Variants in DNAH8 observed in about 807,000 individuals in gnomAD.
DNAH8 encodes the protein axonemal beta dynein heavy chain 8.
A neutral mutation model predicts 562.1 loss-of-function variants in DNAH8; 382 were observed. The ratio of observed to expected loss-of-function variants is 0.68; its 90% confidence interval spans 0.63 to 0.74. DNAH8 has a LOEUF of 0.74. DNAH8 is among the 30% of genes least tolerant of loss of function. The probability of loss-of-function intolerance (pLI) is 0.00; values close to 1 mark genes in which losing one functional copy is unlikely to be tolerated. For missense variants in DNAH8, 5,203 were observed against 5,620.4 expected (o/e 0.93, Z 2.37); for synonymous variants, 1,881 against 1,919.4 (o/e 0.98, Z 0.52).
intron 92 of DNAH8, 52 bp downstream of exon 92, chr6:39,026,719 TTCAAGTTCTGC>T: frequency 6.3e-7 from 1 of 1,596,920 alleles, no homozygotes; most frequent in Non-Finnish European, 8.5e-7. Flanking sequence ...GAGCTGAAAT[TTCAAGTTCTGC>T]TTAAAACTGA....
At chr6:38,994,256 T>C (rs1764985006) in intron 88 of DNAH8, among the ~76,000 whole-genome samples, 6 of 152,218 alleles carry the variant, frequency 3.9e-5, no homozygotes, top group Admixed American at 3.9e-4. Context: ...TTAGGACTTA[T>C]TTATATGTTA....
At chr6:38,995,055 T>C (rs1765045609) in intron 88 of DNAH8, among the ~76,000 whole-genome samples, 2 of 136,938 alleles carry the variant, frequency 1.5e-5, no homozygotes, top group Admixed American at 1.5e-4. Context: ...CTCCCCTCAT[T>C]GCTCTTTTTT....
At chr6:38,775,700 G>T in intron 12 of DNAH8, 54 bp from the exon 13 acceptor site, 1 of 1,085,028 alleles carries the variant, frequency 9.2e-7, no homozygotes. Context: ...CTTATTTTAG[G>T]GAAGTTGCCT....
intron 8 of DNAH8, among the ~76,000 whole-genome samples, chr6:38,745,090 G>A (rs1210114426): frequency 6.6e-6 from 1 of 152,118 alleles, no homozygotes; most frequent in Non-Finnish European, 1.5e-5. Context: ...GTCAGTTCAC[G>A]TGTCCCCCAG....
At chr6:38,814,323 G>A (rs1772058671) in intron 25 of DNAH8, among the ~76,000 whole-genome samples, 194 bp downstream of exon 25, 1 of 152,236 alleles carries the variant, frequency 6.6e-6, no homozygotes, top group African/African-American at 2.4e-5. Context: ...GCTCACGCCT[G>A]TAATCCCAAC....
intron 62 of DNAH8, among the ~76,000 whole-genome samples, chr6:38,902,595 T>C (rs1185169605): frequency 6.6e-6 from 1 of 152,198 alleles, no homozygotes; most frequent in Non-Finnish European, 1.5e-5. Flanking sequence ...ACCTAGCATG[T>C]CAAGCCCCCT....
At chr6:38,837,476 AT>A (rs905430667) in intron 32 of DNAH8, among the ~76,000 whole-genome samples, 4 of 152,246 alleles carry the variant, frequency 2.6e-5, no homozygotes, top group African/African-American at 9.6e-5. Flanking sequence ...TGTTAGAATT[AT>A]TTCAAATGGT....
At chr6:38,736,729 T>C (rs1937777) in intron 5 of DNAH8, among the ~76,000 whole-genome samples, 9,706 of 151,570 alleles carry the variant, frequency 0.064, 341 homozygotes, top group South Asian at 0.11. Context: ...AAAAAAATCA[T>C]GGACAGGGCA....
At chr6:38,756,492 A>G (rs886195438) in intron 10 of DNAH8, among the ~76,000 whole-genome samples, 2 of 151,720 alleles carry the variant, frequency 1.3e-5, no homozygotes, top group Non-Finnish European at 2.9e-5. Flanking sequence ...TGATTAAACA[A>G]TATATATTTA....
intron 77 of DNAH8, among the ~76,000 whole-genome samples, chr6:38,936,878 A>T (rs1474325515): frequency 6.6e-6 from 1 of 152,196 alleles, no homozygotes; most frequent in African/African-American, 2.4e-5. Context: ...AGGGTAGGCC[A>T]GAGTGCTGCT....
chr6:38,821,817 T>C (rs1237471089), intron 26 of DNAH8, among the ~76,000 whole-genome samples: 1 of 152,188 alleles, frequency 6.6e-6, no homozygotes, highest in Non-Finnish European at 1.5e-5. Flanking sequence ...CCGCCTGGGC[T>C]TCCCAAAGTG....
intron 89 of DNAH8, among the ~76,000 whole-genome samples, chr6:39,011,912 T>C (rs573748123): frequency 2.0e-5 from 3 of 152,222 alleles, no homozygotes; most frequent in Non-Finnish European, 4.4e-5. Flanking sequence ...TGACACCCAG[T>C]ACTTAATCAT....
chr6:38,936,522 C>T (rs9394555), intron 77 of DNAH8: 56,476 of 152,088 alleles, frequency 0.37, 11,721 homozygotes, highest in Middle Eastern at 0.48. Flanking sequence ...TTCACAACTG[C>T]ACCTTAATCC....
intron 44 of DNAH8, among the ~76,000 whole-genome samples, chr6:38,863,032 C>A (rs2150411508): frequency 6.6e-6 from 1 of 152,266 alleles, no homozygotes; most frequent in Non-Finnish European, 1.5e-5. Context: ...ATGATGACTC[C>A]AGAATTATAT....
At chr6:38,918,856 G>A (rs1418816745) in intron 70 of DNAH8, among the ~76,000 whole-genome samples, 1 of 152,072 alleles carries the variant, frequency 6.6e-6, no homozygotes, top group East Asian at 1.9e-4. Flanking sequence ...TATTATAAGT[G>A]GTTGCTCTGT....
At chr6:38,852,601 C>A in intron 39 of DNAH8, 93 bp from the exon 40 acceptor site, 1 of 886,596 alleles carries the variant, frequency 1.1e-6, no homozygotes, top group South Asian at 1.8e-5. Context: ...AATACTTAAC[C>A]TTTTAAAAAG....
At chr6:38,750,779 AT>A (rs376617665) in intron 9 of DNAH8, among the ~76,000 whole-genome samples, 190 bp downstream of exon 9, 91 of 152,254 alleles carry the variant, frequency 6.0e-4, no homozygotes, top group South Asian at 2.5e-3. Flanking sequence ...ATAAAAAAAA[AT>A]AGTACAATTT....
chr6:38,852,020 C>G (rs1448986747), intron 39 of DNAH8, among the ~76,000 whole-genome samples: 1 of 152,180 alleles, frequency 6.6e-6, no homozygotes, highest in Non-Finnish European at 1.5e-5. Flanking sequence ...AGCAGAGTCT[C>G]TAGCACACAG....
intron 88 of DNAH8, among the ~76,000 whole-genome samples, chr6:39,003,365 A>G (rs1255928601): frequency 6.6e-6 from 1 of 152,182 alleles, no homozygotes; most frequent in African/African-American, 2.4e-5. Context: ...CTTCTTGACA[A>G]CTGTGATGGG....
Sources: gnomAD v4.1 joint callset for allele counts (sites outside exome capture counted in the v4.1 genomes callset) on GRCh38, gnomAD v4.1.1 for gene constraint, MANE v1.5 for transcripts, NCBI Gene and HGNC (gene_info 2026-07-23, HGNC 2026-07-21) for gene names.